The following SLC30A8 variants were observed in gnomAD, a reference collection of about 807,000 sequenced individuals.
SLC30A8 encodes the protein proton-coupled zinc antiporter SLC30A8.
In SLC30A8, 27 loss-of-function variants were observed where a neutral mutation model predicts 36.9. The ratio of observed to expected loss-of-function variants is 0.73; its 90% CI spans 0.54 to 1.01. SLC30A8 has a LOEUF of 1.01. Ranked by LOEUF, SLC30A8 falls within the 50% of genes least tolerant of loss-of-function variation. The pLI is 0.00. For synonymous variants in SLC30A8, 164 were observed against 172.4 expected (o/e 0.95, Z 0.38); for missense variants, 439 against 452.0 (o/e 0.97, Z 0.26).
chr8:117,152,285 A>C (rs188003894), intron 2 of SLC30A8, among the ~76,000 whole-genome samples: 11 of 152,170 alleles, frequency 7.2e-5, no homozygotes, highest in Admixed American at 5.9e-4. Context: ...GATTAGAGGG[A>C]AGTAGAGGGA....
At chr8:116,969,641 T>C (rs2130613383) in intron 1 of SLC30A8, among the ~76,000 whole-genome samples, 1 of 152,310 alleles carries the variant, frequency 6.6e-6, no homozygotes, top group East Asian at 1.9e-4. Context: ...ACCTAGGTTG[T>C]ATGGTATAGA....
intron 1 of SLC30A8, among the ~76,000 whole-genome samples, chr8:116,977,101 G>T (rs1815057534): frequency 6.8e-6 from 1 of 147,870 alleles, no homozygotes; most frequent in Non-Finnish European, 1.5e-5. Context: ...ATAGGCAGGA[G>T]CCACCGTGCC....
At chr8:116,958,955 G>A (rs1463071420) in intron 1 of SLC30A8, among the ~76,000 whole-genome samples, 1 of 146,168 alleles carries the variant, frequency 6.8e-6, no homozygotes, top group African/African-American at 2.5e-5. Context: ...GTTCAAGCGA[G>A]TCTCCTGCCT....
At chr8:117,052,326 A>T (rs114909217) in intron 2 of SLC30A8, among the ~76,000 whole-genome samples, 1,587 of 152,322 alleles carry the variant, frequency 0.01, 20 homozygotes, top group African/African-American at 0.036. Flanking sequence ...TTTATTCTTT[A>T]TAAATTACCC....
At chr8:116,968,340 A>G (rs1814670515) in intron 1 of SLC30A8, among the ~76,000 whole-genome samples, 1 of 149,924 alleles carries the variant, frequency 6.7e-6, no homozygotes, top group Non-Finnish European at 1.5e-5. Context: ...TAGCTATATT[A>G]TATAGCTTAG....
At chr8:117,091,336 G>A (rs1180398255) in intron 2 of SLC30A8, among the ~76,000 whole-genome samples, 3 of 152,136 alleles carry the variant, frequency 2.0e-5, no homozygotes, top group African/African-American at 4.8e-5. Flanking sequence ...TGAAGATGGG[G>A]ACATAGTTTC....
chr8:117,097,970 A>G (rs1379902435), intron 2 of SLC30A8, among the ~76,000 whole-genome samples: 1 of 124,398 alleles, frequency 8.0e-6, no homozygotes, highest in African/African-American at 3.1e-5. Context: ...ATATTAAATA[A>G]ATAATAAATT....
At chr8:117,009,635 C>A (rs1176918430) in intron 1 of SLC30A8, among the ~76,000 whole-genome samples, 2 of 129,230 alleles carry the variant, frequency 1.5e-5, no homozygotes, top group Non-Finnish European at 3.7e-5. Context: ...GATGTGAAGG[C>A]AGGCTGGGTT....
chr8:117,153,224 A>G (rs1257875513), intron 3 of SLC30A8, 134 bp downstream of exon 3: 2 of 816,086 alleles, frequency 2.5e-6, no homozygotes, highest in Non-Finnish European at 1.8e-6. Context: ...GGATAAAACA[A>G]ATGTGTATGT....
intron 1 of SLC30A8, among the ~76,000 whole-genome samples, chr8:117,016,664 A>C (rs1025150236): frequency 1.3e-5 from 2 of 152,234 alleles, no homozygotes; most frequent in Non-Finnish European, 2.9e-5. Context: ...TAGCAAGTTT[A>C]CAGCTAACAA....
chr8:116,958,629 T>C (rs1814302433), intron 1 of SLC30A8, among the ~76,000 whole-genome samples: 1 of 152,072 alleles, frequency 6.6e-6, no homozygotes, highest in Non-Finnish European at 1.5e-5. Flanking sequence ...AATTTGATTA[T>C]GATGTACTTT....
At chr8:117,021,774 C>A (rs1247172526) in intron 1 of SLC30A8, among the ~76,000 whole-genome samples, 2 of 152,046 alleles carry the variant, frequency 1.3e-5, no homozygotes, top group Non-Finnish European at 1.5e-5. Flanking sequence ...CAACAATAAT[C>A]ATTAAAACAG....
chr8:117,169,476 C>T (rs948626409), intron 6 of SLC30A8, among the ~76,000 whole-genome samples: 26 of 152,124 alleles, frequency 1.7e-4, no homozygotes, highest in African/African-American at 5.6e-4. Context: ...AGATGTTTCT[C>T]AGTTCTAGCT....
At chr8:117,076,084 T>G (rs1344813137) in intron 2 of SLC30A8, among the ~76,000 whole-genome samples, 3 of 152,352 alleles carry the variant, frequency 2.0e-5, no homozygotes, top group African/African-American at 7.2e-5. Context: ...AAACCAATTT[T>G]AATTCTGAAA....
intron 2 of SLC30A8, among the ~76,000 whole-genome samples, chr8:117,067,562 A>G (rs1586464075): frequency 1.3e-5 from 2 of 152,168 alleles, no homozygotes; most frequent in Admixed American, 1.3e-4. Flanking sequence ...TGAAAACACA[A>G]GGTTAGTCCA....
intron 2 of SLC30A8, among the ~76,000 whole-genome samples, chr8:117,112,466 GA>G (rs78773744): frequency 0.027 from 4,146 of 152,156 alleles, 124 homozygotes; most frequent in African/African-American, 0.068. Context: ...TGGTGTAAAT[GA>G]AAAACCCCTT....
At chr8:117,142,344 C>T (rs1216997138) in intron 1 of SLC30A8, among the ~76,000 whole-genome samples, 1 of 152,056 alleles carries the variant, frequency 6.6e-6, no homozygotes, top group Non-Finnish European at 1.5e-5. Context: ...ATGTTTTGAT[C>T]TTTTACACTC....
intron 1 of SLC30A8, among the ~76,000 whole-genome samples, chr8:116,977,234 C>A (rs567672488): frequency 6.9e-6 from 1 of 145,640 alleles, no homozygotes; most frequent in Non-Finnish European, 1.5e-5. Context: ...CTGCAAGCTC[C>A]GCCTCCTGGG....
intron 7 of SLC30A8, 51 bp from the exon 8 acceptor site, chr8:117,172,485 G>C: frequency 6.2e-7 from 1 of 1,612,326 alleles, no homozygotes; most frequent in East Asian, 2.2e-5. Flanking sequence ...CAGAGCAGTC[G>C]CCCATGCGTG....
Sources: allele counts gnomAD v4.1 joint callset (sites outside exome capture counted in the v4.1 genomes callset), GRCh38; gene constraint gnomAD v4.1.1; transcripts MANE v1.5; gene names NCBI Gene and HGNC (gene_info 2026-07-23, HGNC 2026-07-21).